NUDT16: variants seen among roughly 807,000 people sequenced by gnomAD.
The protein encoded by NUDT16 is U8 snoRNA-decapping enzyme.
NUDT16 carries 12 observed loss-of-function variants against 11.7 expected under a neutral mutation model. That is an observed-to-expected ratio of 1.03 (90% CI 0.66 to 1.67). The LOEUF (loss-of-function observed/expected upper bound fraction) is 1.67. NUDT16 is among the 40% of genes most tolerant of loss of function. NUDT16 has a pLI of 0.00. For synonymous variants in NUDT16, 129 were observed against 122.6 expected (o/e 1.05, Z -0.35); for missense variants, 303 against 268.9 (o/e 1.13, Z -0.89).
Position 131,388,237 on chromosome 3 carries a change from GAAAATGGCCAAAGAGA to G in NUDT16, c.*4898_*4913del, listed in dbSNP as rs958571799. 2 of 152,108 alleles carry G rather than the reference GAAAATGGCCAAAGAGA, an allele frequency of 1.3e-5. No homozygotes were observed. The highest frequency in any genetic ancestry group is 4.8e-5 in the African/African-American group (2 of 41,408). 9.4% of individuals were successfully genotyped at this position (152,108 alleles called of 1,614,324 possible). ...ACCCAGAGAAAAAGTGCAAAACAAGGAAAATGGCCAAAGAGAATATCATAGATACAGAGATCAGACA... is the reference window on the plus strand; with the variant it reads ...ACCCAGAGAAAAAGTGCAAAACAAGGATATCATAGATACAGAGATCAGACA... On this transcript the variant is annotated 3_prime_UTR_variant, in exon 3 of 3. Transcript: ENST00000521288.
Position 131,386,730 on chromosome 3 carries a change from A to ATG in NUDT16, c.*3389_*3390insTG. ...ACTTTTCTGCTGGTGCAGAATAAAA[A>ATG]CACTTTGAGCCCCACCCTGTCCTGA... is the stretch of plus-strand genomic sequence containing the variant. On this transcript the variant is annotated 3_prime_UTR_variant, in exon 3 of 3. Coordinates refer to ENST00000521288, the MANE Select transcript of NUDT16 (RefSeq NM_152395.3). The ATG allele has an allele frequency of 6.6e-6, 1 of 152,160 alleles. No individual in the cohort carries two copies. The highest frequency in any genetic ancestry group is 2.1e-4 in the South Asian group (1 of 4,828). The allele number at this position is 152,160 out of a possible 1,614,324, so 9.4% of individuals were successfully genotyped here.
In NUDT16 at chr3:131,381,791, A is replaced by G. The variant is rs2110656754; in HGVS notation, c.-14A>G. On this transcript the variant is annotated 5_prime_UTR_variant, in exon 1 of 3. Coordinates refer to ENST00000521288, the MANE Select transcript of NUDT16 (RefSeq NM_152395.3). ...CATTGGGCCTTCGGGACAGCAGAGG[A>G]GCAGTGTCCGGCCATGGCCGGAGCC... is the stretch of plus-strand genomic sequence containing the variant. The G allele has an allele frequency of 6.5e-7, 1 of 1,542,022 alleles. No individual in the cohort carries two copies. The highest frequency in any genetic ancestry group is 8.7e-7 in the Non-Finnish European group (1 of 1,150,320).
Position 131,382,196 on chromosome 3 carries a change from A to C in NUDT16, c.289A>C (p.Ser97Arg), listed in dbSNP as rs767743351. The change falls in exon 2 of 3, where the codon AGC (serine) becomes CGC (arginine). Residue 97 changes from serine (S) to arginine (R), a missense_variant. Physicochemically the swap from Ser to Arg is moderately radical, Grantham distance 110. Coordinates refer to ENST00000521288, the MANE Select transcript of NUDT16 (RefSeq NM_152395.3). ...CCGCGTGGAGCGCACTGACTACCGC[A>C]GCTCCCACGTCGGGTCAGGGCCACG... ...AFRVERTDYR[S>R]SHVGSGPRVV... is the part of the protein sequence containing the mutation. 6.2e-7 allele frequency: 1 copy of C among 1,611,440 alleles called. No homozygotes were observed. Among genetic ancestry groups the C allele is most frequent in the South Asian group, 1.1e-5 (1 of 90,936 alleles).
rs1334232554 is a variant in NUDT16 at position 131,388,260 on chromosome 3, T to C, written c.*4919T>C. On this transcript the variant is annotated 3_prime_UTR_variant, in exon 3 of 3. Transcript: ENST00000521288. ...AGGAAAATGGCCAAAGAGAATATCA[T>C]AGATACAGAGATCAGACAATGAGAA... 5 of 152,112 alleles carry C rather than the reference T, an allele frequency of 3.3e-5. No individual in the cohort carries two copies. The highest frequency in any genetic ancestry group is 7.2e-5 in the African/African-American group (3 of 41,406). 9.4% of individuals were successfully genotyped at this position (152,112 alleles called of 1,614,324 possible). A position where few individuals can be genotyped will look rare whatever the true frequency, so the allele number is the denominator to read the frequency against.
Position 131,383,200 on chromosome 3 carries a change from G to T in NUDT16, c.447G>T (p.Arg149=). The T allele has an allele frequency of 6.2e-7, 1 of 1,613,566 alleles. No individual in the cohort carries two copies. The highest frequency in any genetic ancestry group is 8.5e-7 in the Non-Finnish European group (1 of 1,180,016). The change falls in exon 3 of 3, where the codon CGG becomes CGT. Residue 149 remains arginine, a synonymous_variant. Transcript: ENST00000521288. The surrounding 1 kb of genome is among the most constrained non-coding windows in gnomAD (Gnocchi z 4.4). ...TGCGAGTGCCCCTGTATACCCTGCG[G>T]GATGGTGTAGGAGGCCTGCCTACCT... ...GLVRVPLYTL[R]DGVGGLPTFL... is the part of the protein sequence containing the mutation.
intron 2 of NUDT16, 163 bp downstream of exon 2, chr3:131,382,478 T>A (rs1299615601): frequency 6.5e-7 from 1 of 1,536,508 alleles, no homozygotes; most frequent in East Asian, 2.4e-5. Flanking sequence ...ATACTCTGAA[T>A]TAGTACTGCC....
rs1227862158 is a variant in NUDT16 at position 131,385,588 on chromosome 3, TGTGG to T, written c.*2250_*2253del. 2 of 152,344 alleles carry T rather than the reference TGTGG, an allele frequency of 1.3e-5. No individual in the cohort carries two copies. The highest frequency in any genetic ancestry group is 2.9e-5 in the Non-Finnish European group (2 of 68,172). 9.4% of individuals were successfully genotyped at this position (152,344 alleles called of 1,614,324 possible). On this transcript the variant is annotated 3_prime_UTR_variant, in exon 3 of 3. Coordinates refer to ENST00000521288, the MANE Select transcript of NUDT16 (RefSeq NM_152395.3). ...GGTCTGGAAGCTTGATGCAGAGCAGTGTGGGTCCCACTGGCAGCCCTTGGTCTTA... is the reference window on the plus strand; with the variant it reads ...GGTCTGGAAGCTTGATGCAGAGCAGTGTCCCACTGGCAGCCCTTGGTCTTA...
chr3:131,382,451 T>C, intron 2 of NUDT16, 136 bp downstream of exon 2: 18 of 1,538,202 alleles, frequency 1.2e-5, no homozygotes, highest in Non-Finnish European at 1.5e-5. Flanking sequence ...TTGGTGGAGT[T>C]GGGATCGTGA....
chr3:131,385,875 G>C lies in NUDT16; in HGVS notation c.*2534G>C, dbSNP rs2097459639. On this transcript the variant is annotated 3_prime_UTR_variant, in exon 3 of 3. Coordinates refer to ENST00000521288, the MANE Select transcript of NUDT16 (RefSeq NM_152395.3). Reference sequence around the variant, plus strand: ...TGACGCCTGGGAGATCAGAGCCACTGACCCTTTATGGCACTGCTAACAGAC... The same window carrying C: ...TGACGCCTGGGAGATCAGAGCCACTCACCCTTTATGGCACTGCTAACAGAC... 6.6e-6 allele frequency: 1 copy of C among 152,256 alleles called. No homozygotes were observed. 9.4% of individuals were successfully genotyped at this position (152,256 alleles called of 1,614,324 possible).
At chr3:131,382,977 T>A in intron 2 of NUDT16, 185 bp from the exon 3 acceptor site, 1 of 659,716 alleles carries the variant, frequency 1.5e-6, no homozygotes, top group South Asian at 2.0e-5. Flanking sequence ...TTGATAGAGC[T>A]AGATAATATG....
chr3:131,385,621 G>C lies in NUDT16; in HGVS notation c.*2280G>C, dbSNP rs1377846938. The C allele has an allele frequency of 6.6e-6, 1 of 152,324 alleles. No individual in the cohort carries two copies. The highest frequency in any genetic ancestry group is 1.5e-5 in the Non-Finnish European group (1 of 68,144). 9.4% of individuals were successfully genotyped at this position (152,324 alleles called of 1,614,324 possible). On this transcript the variant is annotated 3_prime_UTR_variant, in exon 3 of 3. Coordinates refer to ENST00000521288, the MANE Select transcript of NUDT16 (RefSeq NM_152395.3). ...CCACTGGCAGCCCTTGGTCTTAGAA[G>C]AATGGGAGTACCCAGTGGGGGAGCA...
At position 131,381,873 on chromosome 3, in the gene NUDT16, C is replaced by T; in HGVS notation, c.69C>T (p.Cys23=). Reference sequence around the variant, plus strand: ...TGGGGTCGGGCTGGCGTCATGCGTGCCACGCTCTCCTCTACGCGCCGGACC... The same window carrying T: ...TGGGGTCGGGCTGGCGTCATGCGTGTCACGCTCTCCTCTACGCGCCGGACC... The part of the protein sequence containing the change: ...LALGSGWRHA[C]HALLYAPDPG... The change falls in exon 1 of 3, where the codon TGC becomes TGT. Residue 23 remains cysteine, a synonymous_variant. Transcript: ENST00000521288. 1 of 1,607,362 alleles carries T rather than the reference C, an allele frequency of 6.2e-7. No individual in the cohort carries two copies.
rs569109948 is a variant in NUDT16, at chr3:131,387,990, A to C, written c.*4649A>C. 6.6e-6 allele frequency: 1 copy of C among 152,360 alleles called. No individual in the cohort carries two copies. The highest frequency in any genetic ancestry group is 2.1e-4 in the South Asian group (1 of 4,828). The allele number at this position is 152,360 out of a possible 1,614,324, so 9.4% of individuals were successfully genotyped here. ...CTGGAAGATTCATTCCAAGGAGTAG[A>C]AGTGGTATTTACTCAGGGCATTTAA... On this transcript the variant is annotated 3_prime_UTR_variant, in exon 3 of 3. Transcript: ENST00000521288.
intron 2 of NUDT16, chr3:131,382,879 C>T: frequency 1.6e-6 from 1 of 623,530 alleles, no homozygotes; most frequent in Non-Finnish European, 2.6e-6. Flanking sequence ...CTGAGGACCA[C>T]ATTTTGACAA....
At chr3:131,382,571 T>C in intron 2 of NUDT16, 1 of 1,532,976 alleles carries the variant, frequency 6.5e-7, no homozygotes, top group South Asian at 1.2e-5. Context: ...GTCTCTCTGC[T>C]GTTCCCTATT....
Position 131,388,392 on chromosome 3 carries a change from A to G in NUDT16, c.*5051A>G. 1 of 152,248 alleles carries G rather than the reference A, an allele frequency of 6.6e-6. No homozygotes were observed. Among genetic ancestry groups the G allele is most frequent in the East Asian group, 1.9e-4 (1 of 5,202 alleles). 9.4% of individuals were successfully genotyped at this position (152,248 alleles called of 1,614,324 possible). On this transcript the variant is annotated 3_prime_UTR_variant, in exon 3 of 3. Coordinates refer to ENST00000521288, the MANE Select transcript of NUDT16 (RefSeq NM_152395.3). ...AAAACTTCCCTAAACTCAAGATACT[A>G]CACCAGAAGTGGGCAGTACTCACTA...
upstream of NUDT16, chr3:131,381,726 C>A: frequency 1.2e-5 from 17 of 1,462,560 alleles, no homozygotes; most frequent in Non-Finnish European, 1.5e-5. Flanking sequence ...CAGCACCGCC[C>A]AGGCTCGGAT....
Position 131,382,283 on chromosome 3 carries a change from G to A in NUDT16, c.376G>A (p.Gly126Ser). The A allele has an allele frequency of 6.2e-6, 10 of 1,612,878 alleles. No homozygotes were observed. Among genetic ancestry groups the A allele is most frequent in the Non-Finnish European group, 7.6e-6 (9 of 1,179,954 alleles). ...CGAGGAGCTGTTGGCTGTGGAGGCC[G>A]GCGCAACACGCGCCAAGGACCACGG... ...TLEELLAVEA[G>S]ATRAKDHGLE... The change falls in exon 2 of 3, where the codon GGC becomes AGC. Residue 126 changes from glycine (G) to serine (S), a missense_variant. By Grantham distance (56) the Gly-to-Ser change is moderately conservative. Coordinates refer to ENST00000521288, the MANE Select transcript of NUDT16 (RefSeq NM_152395.3).
intron 2 of NUDT16, chr3:131,382,784 C>A: frequency 8.4e-7 from 1 of 1,183,820 alleles, no homozygotes; most frequent in South Asian, 1.9e-5. Context: ...TCTCAGCATT[C>A]CTGCATTGGT....
Sources: allele counts gnomAD v4.1 joint callset, GRCh38; gene constraint gnomAD v4.1.1; non-coding constraint Gnocchi (gnomAD v3.1); transcripts MANE v1.5; gene names NCBI Gene and HGNC (gene_info 2026-07-23, HGNC 2026-07-21).